RPRD2: variants seen among roughly 807,000 people sequenced by gnomAD.
RPRD2 encodes regulation of nuclear pre-mRNA domain-containing protein 2.
In RPRD2, 12 loss-of-function variants were observed where a neutral mutation model predicts 104.4. The ratio of observed to expected loss-of-function variants is 0.11; its 90% CI spans 0.07 to 0.19. The LOEUF is 0.19. RPRD2 is among the 10% of genes least tolerant of loss of function. The probability of loss-of-function intolerance (pLI) is 1.00; values close to 1 mark genes in which losing one functional copy is unlikely to be tolerated. For synonymous variants in RPRD2, 714 were observed against 684.9 expected (o/e 1.04, Z -0.66); for missense variants, 1,543 against 1,790.1 (o/e 0.86, Z 2.49).
intron 1 of RPRD2, among the ~76,000 whole-genome samples, chr1:150,377,646 A>G (rs1553879911): frequency 6.6e-6 from 1 of 151,994 alleles, no homozygotes; most frequent in Non-Finnish European, 1.5e-5. Flanking sequence ...TTGAACACAT[A>G]TAACTGGTTC....
intron 1 of RPRD2, among the ~76,000 whole-genome samples, chr1:150,391,764 C>T (rs928694894): frequency 4.6e-5 from 7 of 151,978 alleles, no homozygotes; most frequent in Middle Eastern, 3.2e-3. Flanking sequence ...AAAAATTAGC[C>T]GGGCCTGGTG....
intron 1 of RPRD2, among the ~76,000 whole-genome samples, chr1:150,394,401 T>C (rs1662330597): frequency 6.6e-6 from 1 of 152,094 alleles, no homozygotes; most frequent in Admixed American, 6.6e-5. Context: ...TGAGAGAATG[T>C]TCCTTCTGAA....
chr1:150,471,510 C>A lies in RPRD2; in HGVS notation c.2562C>A (p.Ala854=). 6.2e-7 allele frequency: 1 copy of A among 1,613,794 alleles called. No individual in the cohort carries two copies. Among genetic ancestry groups the A allele is most frequent in the Non-Finnish European group, 8.5e-7 (1 of 1,179,854 alleles). Residue 854 remains alanine, a synonymous_variant, in exon 11 of 11, where the codon GCC becomes GCA. Coordinates refer to ENST00000369068, the MANE Select transcript of RPRD2 (RefSeq NM_015203.5). The surrounding 1 kb of genome is among the most constrained non-coding windows in gnomAD (Gnocchi z 5.3). ...TGATGAACCTAGAGAAGAAACCAGC[C>A]AAATCTATCCTGAAATCAAGCAAGC... The part of the protein sequence containing the change: ...SAMMNLEKKP[A]KSILKSSKLS...
chr1:150,385,977 C>CCTGA (rs1661534323), intron 1 of RPRD2, among the ~76,000 whole-genome samples: 1 of 151,738 alleles, frequency 6.6e-6, no homozygotes, highest in African/African-American at 2.4e-5. Context: ...AGTAATAAAT[C>CCTGA]GTAGGTAAGT....
At position 150,470,790 on chromosome 1, in the gene RPRD2, C is replaced by T. The variant is rs756343749; in HGVS notation, c.1842C>T (p.Ser614=). The change falls in exon 11 of 11, where the codon AGC becomes AGT. Residue 614 remains serine (S), a synonymous_variant. Coordinates refer to ENST00000369068, the MANE Select transcript of RPRD2 (RefSeq NM_015203.5). ...CCAGCAAGGCCTCAATTGGGCAAAG[C>T]CCAGGGCTCCCAAGCACTACTTTTA... ...TSASKASIGQ[S]PGLPSTTFKL... is the part of the protein sequence containing the mutation. 1.2e-6 allele frequency: 2 copies of T among 1,614,004 alleles called. No individual in the cohort carries two copies. Among genetic ancestry groups the T allele is most frequent in the East Asian group, 2.2e-5 (1 of 44,892 alleles).
intron 2 of RPRD2, among the ~76,000 whole-genome samples, chr1:150,439,461 C>T (rs1666261006): frequency 1.3e-5 from 2 of 152,012 alleles, no homozygotes; most frequent in Admixed American, 1.3e-4. Flanking sequence ...GCCTCGACAA[C>T]TGAGTGAGAC....
At chr1:150,378,261 A>G (rs1660868428) in intron 1 of RPRD2, among the ~76,000 whole-genome samples, 1 of 152,202 alleles carries the variant, frequency 6.6e-6, no homozygotes, top group Admixed American at 6.5e-5. Context: ...TCTATTAGTG[A>G]TGTATATGTA....
chr1:150,460,720 A>T (rs1667875915), intron 9 of RPRD2, among the ~76,000 whole-genome samples: 1 of 146,678 alleles, frequency 6.8e-6, no homozygotes, highest in African/African-American at 2.5e-5. Context: ...GATTTTTTTT[A>T]ATTAATGATT....
chr1:150,399,395 G>A (rs374631130), intron 1 of RPRD2, among the ~76,000 whole-genome samples: 27 of 152,070 alleles, frequency 1.8e-4, no homozygotes, highest in Admixed American at 3.3e-4. Context: ...CCAATTGTTC[G>A]AGCACCATTT....
chr1:150,438,308 A>G, intron 2 of RPRD2, among the ~76,000 whole-genome samples: 1 of 149,404 alleles, frequency 6.7e-6, no homozygotes, highest in Non-Finnish European at 1.5e-5. Flanking sequence ...AAAGAAAAAA[A>G]GTCATGCGTT....
intron 2 of RPRD2, 32 bp downstream of exon 2, chr1:150,417,757 AAACTTAGAC>A (rs782491309): frequency 6.7e-7 from 1 of 1,499,800 alleles, no homozygotes; most frequent in Non-Finnish European, 9.0e-7. Flanking sequence ...TATGGGATCT[AAACTTAGAC>A]AACTTAGAAT....
intron 7 of RPRD2, among the ~76,000 whole-genome samples, chr1:150,449,982 T>C (rs1162807916): frequency 6.6e-6 from 1 of 152,188 alleles, no homozygotes; most frequent in Non-Finnish European, 1.5e-5. Flanking sequence ...TGCTTCCTTC[T>C]AGATATTCTA....
At position 150,472,806 on chromosome 1, in the gene RPRD2, T is replaced by A. The variant is rs201545993; in HGVS notation, c.3858T>A (p.Gly1286=). The A allele has an allele frequency of 3.3e-3, 5,345 of 1,609,354 alleles. 23 individuals carry two copies. Among genetic ancestry groups the A allele is most frequent in the South Asian group, 6.9e-3 (625 of 90,812 alleles). The change falls in exon 11 of 11, where the codon GGT becomes GGA. Residue 1286 remains glycine, a synonymous_variant. Transcript: ENST00000369068. The stretch of plus-strand genomic sequence containing the variant: ...AACATAGCAGCAGTGGTGGGAGTGG[T>A]GTCCCCTTTTCTACTCCACCCCCTC... The part of the protein sequence containing the change: ...PGEHSSSGGS[G]VPFSTPPPPP...
chr1:150,462,642 C>T (rs781797593), intron 9 of RPRD2, among the ~76,000 whole-genome samples: 1 of 151,896 alleles, frequency 6.6e-6, no homozygotes, highest in Non-Finnish European at 1.5e-5. Flanking sequence ...CTGCAAGCTC[C>T]GCCTCCCAGG....
At chr1:150,416,400 A>G (rs1306055716) in intron 1 of RPRD2, among the ~76,000 whole-genome samples, 2 of 152,146 alleles carry the variant, frequency 1.3e-5, no homozygotes, top group Non-Finnish European at 2.9e-5. Flanking sequence ...TTTAAAATGT[A>G]CAAAGGAGTG....
intron 3 of RPRD2, chr1:150,441,643 C>T: frequency 2.7e-6 from 1 of 368,640 alleles, no homozygotes; most frequent in Admixed American, 4.4e-5. Flanking sequence ...ATTTTTAAGC[C>T]TCCTCCCCTA....
intron 2 of RPRD2, among the ~76,000 whole-genome samples, chr1:150,438,595 C>T (rs1666185056): frequency 6.6e-6 from 1 of 151,936 alleles, no homozygotes; most frequent in Admixed American, 6.6e-5. Context: ...CACCATTGCA[C>T]TCCAGCCTGG....
At chr1:150,387,913 C>CTTTTT (rs34188350) in intron 1 of RPRD2, among the ~76,000 whole-genome samples, 3 of 94,602 alleles carry the variant, frequency 3.2e-5, no homozygotes, top group Non-Finnish European at 4.0e-5. Flanking sequence ...TTTCTTTTCT[C>CTTTTT]TTTTTTTTTT....
At chr1:150,386,191 C>T (rs1035880768) in intron 1 of RPRD2, among the ~76,000 whole-genome samples, 1 of 152,096 alleles carries the variant, frequency 6.6e-6, no homozygotes, top group East Asian at 1.9e-4. Flanking sequence ...CCAGGCTGGT[C>T]TCGAACTCCT....
Sources: gnomAD v4.1 joint callset for allele counts (sites outside exome capture counted in the v4.1 genomes callset) on GRCh38, gnomAD v4.1.1 for gene constraint, Gnocchi (gnomAD v3.1) non-coding constraint, MANE v1.5 for transcripts, NCBI Gene and HGNC (gene_info 2026-07-23, HGNC 2026-07-21) for gene names.